Variants in CBLB observed in about 807,000 individuals in gnomAD.
CBLB encodes the protein Cbl proto-oncogene B.
A neutral mutation model predicts 104.9 loss-of-function variants in CBLB; 31 were observed. That is an observed-to-expected ratio of 0.30 (90% CI 0.22 to 0.40). The LOEUF (loss-of-function observed/expected upper bound fraction) is 0.40, where lower values mean the gene tolerates loss of function less well. Ranked by LOEUF, CBLB falls within the 10% of genes least tolerant of loss-of-function variation. The probability of loss-of-function intolerance (pLI) is 1.00; values close to 1 mark genes in which losing one functional copy is unlikely to be tolerated. For synonymous variants in CBLB, 440 were observed against 422.6 expected (o/e 1.04, Z -0.51); for missense variants, 1,062 against 1,214.6 (o/e 0.87, Z 1.87).
At chr3:105,781,888 G>A (rs2080302518) in intron 3 of CBLB, among the ~76,000 whole-genome samples, 1 of 152,016 alleles carries the variant, frequency 6.6e-6, no homozygotes, top group Admixed American at 6.6e-5. Context: ...AATTTTACAA[G>A]GTGAAACAAA....
chr3:105,794,960 G>A (rs1194061957), intron 3 of CBLB, among the ~76,000 whole-genome samples: 2 of 151,120 alleles, frequency 1.3e-5, no homozygotes, highest in African/African-American at 4.9e-5. Flanking sequence ...TCTGTCGCCG[G>A]GCTGGAGTGC....
intron 5 of CBLB, among the ~76,000 whole-genome samples, chr3:105,748,541 G>T (rs2076318026): frequency 1.3e-5 from 2 of 152,074 alleles, no homozygotes; most frequent in African/African-American, 4.8e-5. Context: ...ACAGCCCCAG[G>T]GAGAAGGAAG....
rs535206288 is a variant in CBLB at position 105,708,639 on chromosome 3, T to C, written c.1408-4466A>G. The stretch of plus-strand genomic sequence containing the variant: ...TTAAATTTCCTATATTCAAATTGCT[T>C]ATATTTAAATTTCAGTTATAATATA... On this transcript the variant is annotated intron_variant, in intron 10 of 18. Coordinates refer to ENST00000394030, the MANE Select transcript of CBLB (RefSeq NM_170662.5). Among the ~76,000 whole-genome samples the C allele has an allele frequency of 6.4e-4, 97 of 152,142 alleles. No individual in the cohort carries two copies. The Middle Eastern group carries it at 0.02, about 32-fold the overall frequency.
intron 12 of CBLB, among the ~76,000 whole-genome samples, chr3:105,696,142 G>C (rs1394318335): frequency 6.6e-6 from 1 of 151,244 alleles, no homozygotes; most frequent in Non-Finnish European, 1.5e-5. Context: ...CCTATAAACT[G>C]TTCATAAATA....
intron 18 of CBLB, 49 bp from the exon 19 acceptor site, chr3:105,659,278 T>A: frequency 6.5e-7 from 1 of 1,534,324 alleles, no homozygotes; most frequent in East Asian, 2.2e-5. Context: ...GAAATAAAAA[T>A]GAAGGCAAGA....
chr3:105,755,239 T>C (rs1306260530), intron 4 of CBLB, among the ~76,000 whole-genome samples: 3 of 151,876 alleles, frequency 2.0e-5, no homozygotes, highest in Non-Finnish European at 4.4e-5. Context: ...CCATGTGATC[T>C]CATTGTTCAA....
At chr3:105,849,787 G>T (rs937933533) in intron 3 of CBLB, among the ~76,000 whole-genome samples, 3 of 152,066 alleles carry the variant, frequency 2.0e-5, no homozygotes, top group African/African-American at 7.2e-5. Context: ...TTTAATGGAT[G>T]ACTTGGCTGG....
chr3:105,720,633 A>T (rs762422967), intron 9 of CBLB, among the ~76,000 whole-genome samples: 5 of 152,218 alleles, frequency 3.3e-5, no homozygotes, highest in Non-Finnish European at 7.3e-5. Context: ...AACATTCCAT[A>T]AAAAAGTATA....
At chr3:105,844,555 T>C (rs1358150737) in intron 3 of CBLB, among the ~76,000 whole-genome samples, 1 of 152,226 alleles carries the variant, frequency 6.6e-6, no homozygotes. Context: ...TCTTGCTGTT[T>C]ACAGCACATC....
chr3:105,769,472 G>T (rs1045239670), intron 4 of CBLB, among the ~76,000 whole-genome samples: 9 of 152,194 alleles, frequency 5.9e-5, no homozygotes, highest in Admixed American at 5.9e-4. Flanking sequence ...GCAGTTCACT[G>T]TAATATATTT....
At chr3:105,816,665 C>T (rs1175659881) in intron 3 of CBLB, among the ~76,000 whole-genome samples, 1 of 152,142 alleles carries the variant, frequency 6.6e-6, no homozygotes, top group East Asian at 1.9e-4. Context: ...TGTTCATGTA[C>T]ACAGCTGTTC....
chr3:105,749,076 ATCACTTAATTTTTAAAGTT>A (rs1412764534), intron 5 of CBLB, among the ~76,000 whole-genome samples: 1 of 152,228 alleles, frequency 6.6e-6, no homozygotes. Context: ...ATTTAAGAAA[ATCACTTAATTTTTAAAGTT>A]TTATAAAAAT....
intron 17 of CBLB, 53 bp from the exon 18 acceptor site, chr3:105,670,405 T>A (rs2064946925): frequency 6.9e-7 from 1 of 1,453,900 alleles, no homozygotes; most frequent in African/African-American, 1.4e-5. Context: ...GTTGATTGGC[T>A]GAAGAAAAAA....
rs149477513 is a variant in CBLB, at chr3:105,719,320, T to C, written c.1407+727A>G. Among the ~76,000 whole-genome samples the C allele has an allele frequency of 4.1e-3, 629 of 152,364 alleles. 3 individuals carry two copies. The highest frequency in any genetic ancestry group is 6.4e-3 in the Non-Finnish European group (436 of 68,038). ...GTTTAATTTTATACAAACACTCTCATTACCTCTCATTATGATGTTTAAAAC... is the reference window on the plus strand; with the variant it reads ...GTTTAATTTTATACAAACACTCTCACTACCTCTCATTATGATGTTTAAAAC... On this transcript the variant is annotated intron_variant, in intron 10 of 18. Transcript: ENST00000394030.
At chr3:105,707,140 C>T (rs1009469155) in intron 10 of CBLB, among the ~76,000 whole-genome samples, 7 of 152,208 alleles carry the variant, frequency 4.6e-5, no homozygotes, top group African/African-American at 1.7e-4. Flanking sequence ...TCAGAACAGA[C>T]ATCCAAACCA....
intron 6 of CBLB, among the ~76,000 whole-genome samples, chr3:105,741,794 C>T (rs2075620723): frequency 1.3e-5 from 2 of 152,218 alleles, no homozygotes; most frequent in Non-Finnish European, 2.9e-5. Context: ...GCTGGGATTA[C>T]AGGCGTGAGC....
chr3:105,826,560 G>T (rs1382003571), intron 3 of CBLB, among the ~76,000 whole-genome samples: 1 of 152,080 alleles, frequency 6.6e-6, no homozygotes, highest in East Asian at 1.9e-4. Flanking sequence ...ATATTCTTTA[G>T]CCCTCCATTA....
chr3:105,865,734 T>G (rs1244644688), intron 2 of CBLB, among the ~76,000 whole-genome samples: 3 of 152,202 alleles, frequency 2.0e-5, no homozygotes, highest in Non-Finnish European at 4.4e-5. Flanking sequence ...TGATTTGATG[T>G]CCTAACACAA....
At chr3:105,810,450 A>C (rs2084126675) in intron 3 of CBLB, among the ~76,000 whole-genome samples, 1 of 152,110 alleles carries the variant, frequency 6.6e-6, no homozygotes, top group Non-Finnish European at 1.5e-5. Flanking sequence ...CAGCTCACCA[A>C]CTAGCCTATT....
Sources: gnomAD v4.1 joint callset for allele counts (sites outside exome capture counted in the v4.1 genomes callset) on GRCh38, gnomAD v4.1.1 for gene constraint, MANE v1.5 for transcripts, NCBI Gene and HGNC (gene_info 2026-07-23, HGNC 2026-07-21) for gene names.